The following ZNF385D variants were observed in gnomAD, a reference collection of about 807,000 sequenced individuals.
ZNF385D encodes zinc finger protein 385D, also known as zinc finger protein 659.
ZNF385D carries 15 observed loss-of-function variants against 35.8 expected under a neutral mutation model. The observed-to-expected ratio is 0.42, with a 90% CI of 0.28 to 0.64. ZNF385D has a LOEUF of 0.64. Ranked by LOEUF, ZNF385D falls within the 30% of genes least tolerant of loss-of-function variation. ZNF385D has a pLI of 0.23. For synonymous variants in ZNF385D, 212 were observed against 186.8 expected, an observed-to-expected ratio of 1.13 and a Z score of -1.10; for missense variants, 474 against 494.6, an observed-to-expected ratio of 0.96 and a Z score of 0.39.
chr3:21,766,737 G>C (rs1029423733), intron 3 of ZNF385D, among the ~76,000 whole-genome samples: 1 of 152,026 alleles, frequency 6.6e-6, no homozygotes, highest in Non-Finnish European at 1.5e-5. Flanking sequence ...ATTTCAGATG[G>C]AGCAAAGGGA....
At chr3:21,809,277 G>C (rs1282952810) in intron 3 of ZNF385D, among the ~76,000 whole-genome samples, 1 of 151,942 alleles carries the variant, frequency 6.6e-6, no homozygotes, top group Non-Finnish European at 1.5e-5. Flanking sequence ...AAACTAAGGA[G>C]CTTTCAAGAA....
chr3:21,544,692 G>A (rs13076181), intron 3 of ZNF385D, among the ~76,000 whole-genome samples: 23,089 of 152,076 alleles, frequency 0.15, 1,914 homozygotes, highest in Admixed American at 0.24. Flanking sequence ...TCTGGTCTTC[G>A]GCAAAATTTA....
At chr3:21,862,562 A>G (rs12493709) in intron 3 of ZNF385D, among the ~76,000 whole-genome samples, 14,689 of 152,164 alleles carry the variant, frequency 0.097, 821 homozygotes, top group East Asian at 0.15. Flanking sequence ...GCACATTTGA[A>G]TGAAGGCTTC....
At chr3:22,219,385 A>C (rs1698105750) in intron 2 of ZNF385D, among the ~76,000 whole-genome samples, 3 of 152,224 alleles carry the variant, frequency 2.0e-5, no homozygotes, top group Admixed American at 6.5e-5. Flanking sequence ...AAAAATTCAA[A>C]TATATTCTTC....
At chr3:22,305,853 G>C (rs1438977458) in intron 2 of ZNF385D, among the ~76,000 whole-genome samples, 2 of 152,148 alleles carry the variant, frequency 1.3e-5, no homozygotes, top group Non-Finnish European at 2.9e-5. Context: ...CCTGTGTGTT[G>C]TTACAATTGT....
intron 2 of ZNF385D, among the ~76,000 whole-genome samples, chr3:22,348,238 A>T (rs1695748794): frequency 6.6e-6 from 1 of 152,110 alleles, no homozygotes; most frequent in Non-Finnish European, 1.5e-5. Flanking sequence ...TTCTATTTTG[A>T]AGTCCTAAAC....
chr3:21,991,125 G>A (rs947359474), intron 3 of ZNF385D, among the ~76,000 whole-genome samples: 2 of 152,048 alleles, frequency 1.3e-5, no homozygotes, highest in Admixed American at 1.3e-4. Flanking sequence ...AACTAATTAC[G>A]GTGAGGGAGA....
intron 3 of ZNF385D, among the ~76,000 whole-genome samples, chr3:21,833,462 C>T (rs1695131684): frequency 6.6e-6 from 1 of 152,086 alleles, no homozygotes; most frequent in Non-Finnish European, 1.5e-5. Flanking sequence ...GGATTGTGGC[C>T]ATAAGCCAAA....
intron 2 of ZNF385D, among the ~76,000 whole-genome samples, chr3:22,172,702 T>A (rs1053635843): frequency 1.3e-5 from 2 of 152,134 alleles, no homozygotes; most frequent in Non-Finnish European, 2.9e-5. Flanking sequence ...CTGGAGCAAC[T>A]TGAGCAATAA....
chr3:22,085,440 A>G lies in ZNF385D; in HGVS notation c.325+83377T>C, dbSNP rs1416463456. 4.6e-5 allele frequency among the ~76,000 whole-genome samples: 7 copies of G among 152,354 alleles called. No individual in the cohort carries two copies. The East Asian group carries it at 5.8e-4, about 13-fold the overall frequency. Reference sequence around the variant, plus strand: ...ATACAAACTATCATCAGAGAATACTATAAACACCTCCATGCAAATAAACTA... The same window carrying G: ...ATACAAACTATCATCAGAGAATACTGTAAACACCTCCATGCAAATAAACTA... On this transcript the variant is annotated intron_variant, in intron 3 of 5. Transcript: ENST00000494108.
intron 3 of ZNF385D, among the ~76,000 whole-genome samples, chr3:21,960,067 T>G (rs1702501081): frequency 7.0e-6 from 1 of 141,886 alleles, no homozygotes; most frequent in Non-Finnish European, 1.5e-5. Flanking sequence ...AAGCCAAAAA[T>G]CTTCTGTACA....
rs115851756 is a variant in ZNF385D at position 22,246,535 on chromosome 3, C to T, written c.107-77500G>A. Among the ~76,000 whole-genome samples the T allele has an allele frequency of 2.0e-3, 297 of 152,256 alleles. 3 individuals are homozygous for T. The highest frequency in any genetic ancestry group is 6.9e-3 in the African/African-American group (288 of 41,572). On this transcript the variant is annotated intron_variant, in intron 2 of 5. Transcript: ENST00000494108. ...GATGCACTTCAAAGATATATTTTCT[C>T]TTGCTTCAAAGCCTAGACCTGACTT...
At chr3:21,608,666 GTTATT>G (rs1238263753) in intron 2 of ZNF385D, among the ~76,000 whole-genome samples, 2 of 152,114 alleles carry the variant, frequency 1.3e-5, no homozygotes, top group Non-Finnish European at 2.9e-5. Flanking sequence ...TAGTTTTGTT[GTTATT>G]TTAACTCTGA....
upstream of ZNF385D, among the ~76,000 whole-genome samples, chr3:21,751,639 T>A (rs531881350): frequency 2.0e-5 from 3 of 152,204 alleles, no homozygotes; most frequent in South Asian, 4.1e-4. Flanking sequence ...TTTTGTGATG[T>A]TTATATATAA....
intron 3 of ZNF385D, among the ~76,000 whole-genome samples, chr3:21,980,305 C>A (rs1429993367): frequency 6.6e-6 from 1 of 152,132 alleles, no homozygotes; most frequent in Non-Finnish European, 1.5e-5. Flanking sequence ...TGAACTAGAA[C>A]AACTCAGCTA....
At chr3:21,705,498 C>T (rs1201963769) in intron 1 of ZNF385D, among the ~76,000 whole-genome samples, 7 of 152,168 alleles carry the variant, frequency 4.6e-5, no homozygotes, top group African/African-American at 1.7e-4. Flanking sequence ...GTGTTGAAAA[C>T]TTATTGATCT....
At chr3:22,064,122 G>A (rs1221363090) in intron 3 of ZNF385D, among the ~76,000 whole-genome samples, 1 of 152,144 alleles carries the variant, frequency 6.6e-6, no homozygotes, top group Non-Finnish European at 1.5e-5. Context: ...TAGTTATAGG[G>A]CTAGAAATCA....
chr3:22,147,719 A>G (rs1036206540), intron 3 of ZNF385D, among the ~76,000 whole-genome samples: 1 of 152,204 alleles, frequency 6.6e-6, no homozygotes, highest in African/African-American at 2.4e-5. Context: ...TGTGTGCATT[A>G]TAGAGCTCAG....
chr3:21,495,088 T>C (rs1024146532), intron 4 of ZNF385D, among the ~76,000 whole-genome samples: 3 of 152,156 alleles, frequency 2.0e-5, no homozygotes, highest in Non-Finnish European at 4.4e-5. Context: ...TTTTCATTGC[T>C]TCGATATCTC....
Sources: gnomAD v4.1 joint callset for allele counts (sites outside exome capture counted in the v4.1 genomes callset) on GRCh38, gnomAD v4.1.1 for gene constraint, MANE v1.5 for transcripts, NCBI Gene and HGNC (gene_info 2026-07-23, HGNC 2026-07-21) for gene names.